The following ZNF407 variants were observed in gnomAD, a reference collection of about 807,000 sequenced individuals.
ZNF407 encodes zinc finger protein 407.
ZNF407 carries 17 observed loss-of-function variants against 131.2 expected under a neutral mutation model. The ratio of observed to expected loss-of-function variants is 0.13; its 90% CI spans 0.09 to 0.19. The LOEUF (loss-of-function observed/expected upper bound fraction) is 0.19. ZNF407 is among the 10% of genes least tolerant of loss of function. The pLI is 1.00. For missense variants in ZNF407, 2,681 were observed against 2,830.6 expected (o/e 0.95, Z 1.20); for synonymous variants, 1,156 against 1,062.0 (o/e 1.09, Z -1.72).
At chr18:74,984,226 A>G (rs548621150) in intron 8 of ZNF407, among the ~76,000 whole-genome samples, 1 of 152,252 alleles carries the variant, frequency 6.6e-6, no homozygotes, top group East Asian at 1.9e-4. Context: ...GCCTCGCCTA[A>G]GCCTGCGCTG....
At chr18:74,996,058 G>A (rs1276200851) in intron 8 of ZNF407, among the ~76,000 whole-genome samples, 1 of 152,178 alleles carries the variant, frequency 6.6e-6, no homozygotes, top group Non-Finnish European at 1.5e-5. Context: ...AACTACTCAA[G>A]TTTGGTTTTA....
chr18:74,608,545 C>T (rs1176163953), intron 1 of ZNF407, among the ~76,000 whole-genome samples: 3 of 152,084 alleles, frequency 2.0e-5, no homozygotes, highest in Non-Finnish European at 4.4e-5. Context: ...CGTGGTTTCT[C>T]CATGTTGGCC....
At chr18:74,612,000 G>A (rs1983080214) in intron 1 of ZNF407, among the ~76,000 whole-genome samples, 1 of 152,146 alleles carries the variant, frequency 6.6e-6, no homozygotes, top group Non-Finnish European at 1.5e-5. Flanking sequence ...TCCATCAGAG[G>A]AGAACAGATG....
chr18:74,799,807 T>C (rs1969986730), intron 4 of ZNF407, among the ~76,000 whole-genome samples: 1 of 151,938 alleles, frequency 6.6e-6, no homozygotes, highest in African/African-American at 2.4e-5. Flanking sequence ...ATAGGATGAA[T>C]ATTCAATCAA....
intron 4 of ZNF407, among the ~76,000 whole-genome samples, chr18:74,823,039 G>C (rs1970362380): frequency 6.6e-6 from 1 of 152,160 alleles, no homozygotes; most frequent in African/African-American, 2.4e-5. Flanking sequence ...ATTGTGAATG[G>C]GAGTTTGCTC....
rs1209436684 is a variant in ZNF407 at position 74,631,289 on chromosome 18, T to C, written c.270T>C (p.Gly90=). ...AGCCCCTTAAATCTGGAAAGCAAGG[T>C]ATTTGTAGATTAGAAACTTCTGAGA... ...EAEPLKSGKQ[G]ICRLETSESS... The change falls in exon 2 of 9, where the codon GGT becomes GGC. Residue 90 remains glycine, a synonymous_variant. Transcript: ENST00000299687. 1.2e-6 allele frequency: 2 copies of C among 1,613,884 alleles called. No individual in the cohort carries two copies. The highest frequency in any genetic ancestry group is 1.7e-6 in the Non-Finnish European group (2 of 1,179,868).
intron 3 of ZNF407, among the ~76,000 whole-genome samples, chr18:74,767,649 C>CTTTTTT (rs71905017): frequency 3.6e-5 from 3 of 84,418 alleles, no homozygotes; most frequent in African/African-American, 1.5e-4. Flanking sequence ...TCTGAATTCT[C>CTTTTTT]TTTTTTTTTT....
intron 8 of ZNF407, among the ~76,000 whole-genome samples, chr18:75,055,884 G>A (rs1973556289): frequency 6.6e-6 from 1 of 152,160 alleles, no homozygotes; most frequent in African/African-American, 2.4e-5. Context: ...AAATTGCATG[G>A]TATATCCAAA....
At chr18:74,782,351 T>G (rs1969619359) in intron 4 of ZNF407, among the ~76,000 whole-genome samples, 1 of 152,222 alleles carries the variant, frequency 6.6e-6, no homozygotes, top group Non-Finnish European at 1.5e-5. Flanking sequence ...TATTTGTAAA[T>G]GTTTAATAGT....
intron 1 of ZNF407, among the ~76,000 whole-genome samples, chr18:74,608,281 A>C (rs377720084): frequency 6.6e-6 from 1 of 152,178 alleles, no homozygotes; most frequent in African/African-American, 2.4e-5. Context: ...TCCAGGATCC[A>C]ACCCAGTATC....
rs184673892 is a variant in ZNF407 at position 74,886,399 on chromosome 18, T to C, written c.5129-3519T>C. On this transcript the variant is annotated intron_variant, in intron 6 of 8. Coordinates refer to ENST00000299687, the MANE Select transcript of ZNF407 (RefSeq NM_017757.3). ...CCATATTATACACATATGCCTATCA[T>C]ACTCCAGGATTTACCCAAGGGATGT... 2.6e-5 allele frequency among the ~76,000 whole-genome samples: 4 copies of C among 152,298 alleles called. No homozygotes were observed. The East Asian group carries it at 7.7e-4, about 29-fold the overall frequency.
intron 3 of ZNF407, among the ~76,000 whole-genome samples, chr18:74,715,106 G>A (rs1188206552): frequency 3.3e-5 from 5 of 152,018 alleles, no homozygotes; most frequent in Non-Finnish European, 7.4e-5. Flanking sequence ...TCCACGTCCC[G>A]CTGCCTTACT....
At chr18:74,859,613 G>A (rs779689913) in intron 4 of ZNF407, among the ~76,000 whole-genome samples, 5 of 152,298 alleles carry the variant, frequency 3.3e-5, no homozygotes, top group East Asian at 1.9e-4. Context: ...GTTTCACAGC[G>A]TTGTCCTGAG....
At chr18:74,736,357 A>G (rs1054074197) in intron 3 of ZNF407, among the ~76,000 whole-genome samples, 1 of 152,168 alleles carries the variant, frequency 6.6e-6, no homozygotes, top group Non-Finnish European at 1.5e-5. Flanking sequence ...ATCTTCTAGC[A>G]TTATAACTTT....
intron 8 of ZNF407, among the ~76,000 whole-genome samples, chr18:74,954,856 A>G (rs1166371367): frequency 6.6e-6 from 1 of 152,216 alleles, no homozygotes; most frequent in Admixed American, 6.5e-5. Flanking sequence ...TACTTGACGA[A>G]GGAAATAAAT....
At chr18:74,991,343 T>C (rs1362423647) in intron 8 of ZNF407, among the ~76,000 whole-genome samples, 1 of 152,216 alleles carries the variant, frequency 6.6e-6, no homozygotes, top group Admixed American at 6.5e-5. Flanking sequence ...TGGTTTTCAG[T>C]AGCTTTTACC....
At chr18:74,963,261 C>T (rs1972370000) in intron 8 of ZNF407, among the ~76,000 whole-genome samples, 1 of 150,710 alleles carries the variant, frequency 6.6e-6, no homozygotes, top group South Asian at 2.1e-4. Context: ...TGACTTTTCA[C>T]ATTATTTGTA....
intron 4 of ZNF407, among the ~76,000 whole-genome samples, chr18:74,839,358 G>A (rs1342448613): frequency 6.6e-6 from 1 of 152,190 alleles, no homozygotes; most frequent in South Asian, 2.1e-4. Context: ...TGTGTTATGC[G>A]ATTTTTGGGT....
chr18:74,881,173 C>A, intron 6 of ZNF407, 54 bp downstream of exon 6: 1 of 1,458,850 alleles, frequency 6.9e-7, no homozygotes, highest in Non-Finnish European at 9.3e-7. Flanking sequence ...GGCAAGACAC[C>A]CCAGCCTCAA....
Sources: allele counts gnomAD v4.1 joint callset (sites outside exome capture counted in the v4.1 genomes callset), GRCh38; gene constraint gnomAD v4.1.1; transcripts MANE v1.5; gene names NCBI Gene and HGNC (gene_info 2026-07-23, HGNC 2026-07-21).